COPE: variants seen among roughly 807,000 people sequenced by gnomAD.
The protein encoded by COPE is coat protein complex I subunit epsilon, also known as coatomer subunit epsilon.
A neutral mutation model predicts 42.1 loss-of-function variants in COPE; 19 were observed. That is an observed-to-expected ratio of 0.45 (90% CI 0.31 to 0.66). COPE has a LOEUF of 0.66. Ranked by LOEUF, COPE falls within the 30% of genes least tolerant of loss-of-function variation. The pLI is 0.05. For synonymous variants in COPE, 195 were observed against 181.3 expected (o/e 1.08, Z -0.60); for missense variants, 402 against 416.1 (o/e 0.97, Z 0.30).
intron 1 of COPE, among the ~76,000 whole-genome samples, chr19:18,915,545 G>A (rs1288701027): frequency 6.6e-6 from 1 of 152,204 alleles, no homozygotes; most frequent in Non-Finnish European, 1.5e-5. Context: ...AACCCCAAGG[G>A]CTCACTACGA....
At chr19:18,906,569 G>C (rs555161184) in intron 4 of COPE, 1 of 183,552 alleles carries the variant, frequency 5.4e-6, no homozygotes, top group Non-Finnish European at 1.1e-5. Context: ...CAGGGCTTCA[G>C]CACCCCAACC....
intron 3 of COPE, 67 bp downstream of exon 3, chr19:18,910,904 G>T: frequency 7.0e-7 from 1 of 1,419,784 alleles, no homozygotes; most frequent in Non-Finnish European, 9.9e-7. Flanking sequence ...CACCCACCCA[G>T]GTTCATAACC....
chr19:18,914,917 G>A (rs1412371725), intron 1 of COPE, among the ~76,000 whole-genome samples: 2 of 151,854 alleles, frequency 1.3e-5, no homozygotes, highest in Non-Finnish European at 1.5e-5. Context: ...TAGTAGAGAT[G>A]GGGTTTCACC....
At chr19:18,905,334 C>A (rs1601217303) in intron 5 of COPE, among the ~76,000 whole-genome samples, 1 of 152,138 alleles carries the variant, frequency 6.6e-6, no homozygotes, top group Non-Finnish European at 1.5e-5. Context: ...TGAAGCCCAC[C>A]CTCACCCTGT....
rs1361687001 is a variant in COPE at position 18,902,824 on chromosome 19, G to A, written c.735+444C>T. 5.0e-4 allele frequency among the ~76,000 whole-genome samples: 42 copies of A among 83,866 alleles called. 6 individuals carry two copies. The highest frequency in any genetic ancestry group is 1.9e-3 in the African/African-American group (17 of 8,844). The allele number at this position is 83,866 out of a possible 152,430, so 55.0% of individuals were successfully genotyped here. ...AGGAAGGAAGGAAGGAAGGAAGGAA[G>A]GAAGAAAAGACTGCAGACATCAGGC... On this transcript the variant is annotated intron_variant, in intron 7 of 9. Transcript: ENST00000262812.
intron 7 of COPE, among the ~76,000 whole-genome samples, chr19:18,901,828 C>A (rs1028707150): frequency 6.6e-6 from 1 of 152,054 alleles, no homozygotes. Flanking sequence ...AAACAAAAAA[C>A]CCCCCAAAAT....
intron 1 of COPE, among the ~76,000 whole-genome samples, chr19:18,914,176 C>T (rs1369968218): frequency 1.3e-5 from 2 of 152,160 alleles, no homozygotes; most frequent in Non-Finnish European, 2.9e-5. Flanking sequence ...AGGGTGGTGG[C>T]TGCAGAAATC....
At chr19:18,919,157 T>G in intron 1 of COPE, 66 bp downstream of exon 1, 2 of 1,539,852 alleles carry the variant, frequency 1.3e-6, no homozygotes, top group Non-Finnish European at 1.8e-6. Context: ...AGAACGCGGC[T>G]CGCGGCCACC....
chr19:18,909,389 C>A lies in COPE; in HGVS notation c.290+1582G>T, dbSNP rs575752491. Reference sequence around the variant, plus strand: ...CGGCAGGGCTGGCTCCAGCTGGAGGCTGGAGGGCAAGGCCGTCCCAGGCCT... The same window carrying A: ...CGGCAGGGCTGGCTCCAGCTGGAGGATGGAGGGCAAGGCCGTCCCAGGCCT... On this transcript the variant is annotated intron_variant, in intron 3 of 9. Coordinates refer to ENST00000262812, the MANE Select transcript of COPE (RefSeq NM_007263.4). 3.3e-5 allele frequency among the ~76,000 whole-genome samples: 5 copies of A among 152,340 alleles called. No individual in the cohort carries two copies. In the East Asian group the frequency reaches 9.6e-4, roughly 29 times the overall value.
chr19:18,903,196 G>C (rs1224596983), intron 7 of COPE, 72 bp downstream of exon 7: 1 of 1,440,920 alleles, frequency 6.9e-7, no homozygotes, highest in Admixed American at 2.7e-5. Flanking sequence ...ACTTGTTTCT[G>C]TCCGCCCTGA....
chr19:18,901,199 G>GGCCA (rs1358443917), intron 7 of COPE, among the ~76,000 whole-genome samples: 3 of 152,372 alleles, frequency 2.0e-5, no homozygotes, highest in Admixed American at 1.3e-4. Context: ...CAAGGGGCAC[G>GGCCA]GCCAGCCAGC....
Position 18,906,987 on chromosome 19 carries a change from G to C in COPE, c.416C>G (p.Ala139Gly), listed in dbSNP as rs375765242. Reference sequence around the variant, plus strand: ...CTCCAGGCTGTCCCCCTGGTGCAGCGCACGCAGGGCGGCATCCGGGTTCTG... The same window carrying C: ...CTCCAGGCTGTCCCCCTGGTGCAGCCCACGCAGGGCGGCATCCGGGTTCTG... The part of the protein sequence containing the change: ...HDQNPDAALR[A>G]LHQGDSLECT... The change falls in exon 4 of 10, where the codon GCG becomes GGG. Residue 139 changes from alanine (A) to glycine (G), a missense_variant. By Grantham distance (60) the Ala-to-Gly change is moderately conservative. Coordinates refer to ENST00000262812, the MANE Select transcript of COPE (RefSeq NM_007263.4). 1 of 1,573,350 alleles carries C rather than the reference G, an allele frequency of 6.4e-7. No homozygotes were observed.
At chr19:18,900,348 T>C (rs1325210103) in intron 8 of COPE, 33 bp downstream of exon 8, 2 of 1,526,866 alleles carry the variant, frequency 1.3e-6, no homozygotes, top group Non-Finnish European at 1.8e-6. Flanking sequence ...GTCTGGACAT[T>C]AGGGTTGGCC....
chr19:18,914,884 G>A (rs2056840968), intron 1 of COPE, among the ~76,000 whole-genome samples: 1 of 150,614 alleles, frequency 6.6e-6, no homozygotes, highest in South Asian at 2.1e-4. Context: ...AGTCTCCCGA[G>A]TAGCCGCGAC....
At position 18,919,203 on chromosome 19, in the gene COPE, G is replaced by C; in HGVS notation, c.126+20C>G. 1 of 1,598,832 alleles carries C rather than the reference G, an allele frequency of 6.3e-7. No individual in the cohort carries two copies. Among genetic ancestry groups the C allele is most frequent in the Non-Finnish European group, 8.5e-7 (1 of 1,171,254 alleles). On this transcript the variant is annotated intron_variant, in intron 1 of 9. Coordinates refer to ENST00000262812, the MANE Select transcript of COPE (RefSeq NM_007263.4). ...CTCCGCCTCCGCCCCCAGCGTCCCC[G>C]CGCCCCTGCGCGGCCGCACCTTCAC...
At chr19:18,914,725 C>A (rs1314877254) in intron 1 of COPE, among the ~76,000 whole-genome samples, 1 of 150,906 alleles carries the variant, frequency 6.6e-6, no homozygotes, top group Non-Finnish European at 1.5e-5. Flanking sequence ...AGTTTGAGAC[C>A]AGCATAGGCA....
intron 6 of COPE, among the ~76,000 whole-genome samples, chr19:18,903,672 G>C (rs1197741012): frequency 6.6e-6 from 1 of 152,230 alleles, no homozygotes; most frequent in Non-Finnish European, 1.5e-5. Flanking sequence ...CACAGAGGTG[G>C]AATCTGGGGC....
At chr19:18,915,346 T>G (rs1268048476) in intron 1 of COPE, among the ~76,000 whole-genome samples, 1 of 152,190 alleles carries the variant, frequency 6.6e-6, no homozygotes, top group Non-Finnish European at 1.5e-5. Context: ...AGACTGTGCG[T>G]GCGGAAGTGC....
chr19:18,908,376 G>C (rs1016272480), intron 3 of COPE, among the ~76,000 whole-genome samples: 2 of 152,030 alleles, frequency 1.3e-5, no homozygotes, highest in African/African-American at 4.8e-5. Flanking sequence ...GCGGTGAGCT[G>C]TGGTCACACC....
Sources: gnomAD v4.1 joint callset for allele counts (sites outside exome capture counted in the v4.1 genomes callset) on GRCh38, gnomAD v4.1.1 for gene constraint, MANE v1.5 for transcripts, NCBI Gene and HGNC (gene_info 2026-07-23, HGNC 2026-07-21) for gene names.